Variants in SCTR observed in about 807,000 individuals in gnomAD.
SCTR encodes pancreatic secretin receptor.
Under a neutral mutation model 60.8 loss-of-function variants are expected in SCTR, and 56 were observed. That is an observed-to-expected ratio of 0.92 (90% CI 0.74 to 1.15). The LOEUF (loss-of-function observed/expected upper bound fraction) is 1.15. Among genes scored for constraint, SCTR ranks in the 50% most tolerant of loss-of-function variants. The pLI is 0.00. For missense variants in SCTR, 562 were observed against 550.4 expected, an observed-to-expected ratio of 1.02 and a Z score of -0.21; for synonymous variants, 202 against 217.0, an observed-to-expected ratio of 0.93 and a Z score of 0.61.
intron 1 of SCTR, among the ~76,000 whole-genome samples, chr2:119,497,472 A>C (rs971857191): frequency 1.3e-5 from 2 of 152,228 alleles, no homozygotes; most frequent in African/African-American, 4.8e-5. Flanking sequence ...GATGAGAAAA[A>C]CATAATTAAC....
At chr2:119,504,931 A>G (rs1203020263) in intron 1 of SCTR, among the ~76,000 whole-genome samples, 1 of 152,234 alleles carries the variant, frequency 6.6e-6, no homozygotes. Context: ...GATAGTTTAC[A>G]GAAGATATAC....
intron 1 of SCTR, among the ~76,000 whole-genome samples, chr2:119,509,923 C>T (rs1481894775): frequency 2.0e-5 from 3 of 152,080 alleles, no homozygotes; most frequent in Non-Finnish European, 4.4e-5. Context: ...TTCATTGCAC[C>T]TCGCTTGTTT....
At chr2:119,461,335 G>A (rs1029567495) in intron 7 of SCTR, among the ~76,000 whole-genome samples, 2 of 152,186 alleles carry the variant, frequency 1.3e-5, no homozygotes, top group Non-Finnish European at 2.9e-5. Flanking sequence ...CCAGAAACTG[G>A]GGCTAAATTT....
intron 7 of SCTR, 63 bp downstream of exon 7, chr2:119,461,784 G>C: frequency 2.3e-6 from 3 of 1,317,036 alleles, no homozygotes; most frequent in Admixed American, 2.2e-5. Flanking sequence ...CGAACCCTCC[G>C]ACTCTCGACT....
intron 1 of SCTR, among the ~76,000 whole-genome samples, chr2:119,512,337 TTCCC>T (rs1678979924): frequency 1.8e-5 from 1 of 54,484 alleles, no homozygotes; most frequent in African/African-American, 9.0e-5. Context: ...CCCCTTCCCC[TTCCC>T]CTTCTCCTTC....
At chr2:119,524,062 G>A in intron 1 of SCTR, 93 bp downstream of exon 1, 1 of 926,068 alleles carries the variant, frequency 1.1e-6, no homozygotes, top group Non-Finnish European at 1.7e-6. Context: ...AGATCTGCTA[G>A]TCCCTCTCCA....
intron 4 of SCTR, among the ~76,000 whole-genome samples, chr2:119,467,177 G>A (rs1683869903): frequency 6.6e-6 from 1 of 151,906 alleles, no homozygotes; most frequent in African/African-American, 2.4e-5. Context: ...GTTAGAGTTC[G>A]AGACCAGCCT....
In SCTR at chr2:119,453,340, TG is replaced by T; in HGVS notation, c.797del (p.Pro266GlnfsTer37). 17 of 1,613,454 alleles carry T rather than the reference TG, an allele frequency of 1.1e-5. No individual in the cohort carries two copies. The highest frequency in any genetic ancestry group is 2.7e-5 in the African/African-American group (2 of 75,038). On this transcript the variant is annotated frameshift_variant, in exon 8 of 13. Transcript: ENST00000019103. LOFTEE classifies it high-confidence loss of function. The part of the protein sequence containing the change: ...QGFVAFGWGS[P>X]AIFVALWAIA... ...TAGCCCACAAAGCAACAAAAATGGC[TG>T]GAGAACCTGAGGATTAAAAACAAAG...
chr2:119,467,471 C>A (rs1401251191), intron 4 of SCTR, among the ~76,000 whole-genome samples: 2 of 151,898 alleles, frequency 1.3e-5, no homozygotes, highest in African/African-American at 2.4e-5. Context: ...TTTTTACCAA[C>A]CAAACTAACA....
chr2:119,522,433 T>C (rs549545946), intron 1 of SCTR, among the ~76,000 whole-genome samples: 1 of 152,284 alleles, frequency 6.6e-6, no homozygotes, highest in Admixed American at 6.5e-5. Context: ...GTAGAGCTGC[T>C]AGTCCCGGCT....
intron 3 of SCTR, chr2:119,476,344 C>A (rs1246686503): frequency 6.6e-6 from 1 of 152,204 alleles, no homozygotes; most frequent in East Asian, 1.9e-4. Context: ...CAACGTGGCC[C>A]CCACCACCCT....
intron 1 of SCTR, among the ~76,000 whole-genome samples, chr2:119,506,461 T>C (rs1678742250): frequency 6.9e-6 from 1 of 144,984 alleles, no homozygotes; most frequent in South Asian, 2.2e-4. Context: ...TTCCTTATTT[T>C]ATTTTATAAT....
Position 119,524,453 on chromosome 2 carries a change from G to A in SCTR, c.-227C>T. On this transcript the variant is annotated 5_prime_UTR_variant, in exon 1 of 13. Coordinates refer to ENST00000019103, the MANE Select transcript of SCTR (RefSeq NM_002980.3). ...GCCCCATTGATCAGGACGCGGCTTTGCCGGCGCGCCTCCTCCACCCGGCAG... is the reference window on the plus strand; with the variant it reads ...GCCCCATTGATCAGGACGCGGCTTTACCGGCGCGCCTCCTCCACCCGGCAG... The A allele has an allele frequency of 2.8e-6, 1 of 357,194 alleles. No individual in the cohort carries two copies. The highest frequency in any genetic ancestry group is 5.0e-6 in the Non-Finnish European group (1 of 200,220). The allele number at this position is 357,194 out of a possible 1,614,324, so 22.1% of individuals were successfully genotyped here. A position where few individuals can be genotyped will look rare whatever the true frequency, so the allele number is the denominator to read the frequency against.
At chr2:119,473,868 C>A (rs1317762950) in intron 3 of SCTR, among the ~76,000 whole-genome samples, 2 of 152,192 alleles carry the variant, frequency 1.3e-5, no homozygotes, top group Non-Finnish European at 2.9e-5. Context: ...CCCGGAGAAT[C>A]TGTGGTGGCT....
rs1327734276 is a variant in SCTR, at chr2:119,489,073, CCCCATCTGG to C, written c.193+5346_193+5354del. 3.3e-5 allele frequency among the ~76,000 whole-genome samples: 5 copies of C among 152,256 alleles called. No homozygotes were observed. In the South Asian group the frequency reaches 1.0e-3, roughly 32 times the overall value. On this transcript the variant is annotated intron_variant, in intron 2 of 12. Transcript: ENST00000019103. ...CTGGGTGCCCAGAGGGGAGCAGGAACCCCATCTGGCGTGGTCACTAGTCAGAGCCTGAGT... is the reference window on the plus strand; with the variant it reads ...CTGGGTGCCCAGAGGGGAGCAGGAACCGTGGTCACTAGTCAGAGCCTGAGT...
chr2:119,506,845 C>T (rs746887618), intron 1 of SCTR, among the ~76,000 whole-genome samples: 6 of 151,980 alleles, frequency 3.9e-5, no homozygotes, highest in Admixed American at 6.6e-5. Flanking sequence ...GAGTTAAGGA[C>T]GGGGTGAGAA....
At chr2:119,519,436 A>G (rs1253728185) in intron 1 of SCTR, among the ~76,000 whole-genome samples, 1 of 152,098 alleles carries the variant, frequency 6.6e-6, no homozygotes, top group East Asian at 1.9e-4. Flanking sequence ...TGCTATTTTG[A>G]AGTTTGGGAG....
chr2:119,489,145 G>A (rs1050390067), intron 2 of SCTR, among the ~76,000 whole-genome samples: 1 of 152,156 alleles, frequency 6.6e-6, no homozygotes, highest in Non-Finnish European at 1.5e-5. Flanking sequence ...CATAGGGGAA[G>A]GCCAGGGAAG....
At chr2:119,515,571 ACT>A (rs1450237219) in intron 1 of SCTR, among the ~76,000 whole-genome samples, 1 of 151,778 alleles carries the variant, frequency 6.6e-6, no homozygotes, top group Non-Finnish European at 1.5e-5. Context: ...TCACTAACTT[ACT>A]CTCTCTCTTT....
Sources: gnomAD v4.1 joint callset for allele counts (sites outside exome capture counted in the v4.1 genomes callset) on GRCh38, gnomAD v4.1.1 for gene constraint, MANE v1.5 for transcripts, NCBI Gene and HGNC (gene_info 2026-07-23, HGNC 2026-07-21) for gene names.